Variants in UGT1A6 observed in about 807,000 individuals in gnomAD.
UGT1A6 encodes the protein UDP-glucuronosyltransferase 1A6.
A neutral mutation model predicts 44.4 loss-of-function variants in UGT1A6; 32 were observed. The ratio of observed to expected loss-of-function variants is 0.72; its 90% CI spans 0.54 to 0.97. The LOEUF (loss-of-function observed/expected upper bound fraction) is 0.97. Among genes scored for constraint, UGT1A6 ranks in the 50% least tolerant of loss-of-function variants. The pLI is 0.00. For missense variants in UGT1A6, 685 were observed against 661.9 expected, an observed-to-expected ratio of 1.03 and a Z score of -0.38; for synonymous variants, 238 against 248.5, an observed-to-expected ratio of 0.96 and a Z score of 0.40.
chr2:233,693,799 GC>G lies in UGT1A6; in HGVS notation c.797del (p.Pro266ArgfsTer99). The G allele has an allele frequency of 1.2e-6, 2 of 1,614,154 alleles. No homozygotes were observed. The highest frequency in any genetic ancestry group is 1.7e-6 in the Non-Finnish European group (2 of 1,180,032). The part of the protein sequence containing the change: ...RYDFVLEYPR[P>X]VMPNMVFIGG... ...ATGACTTTGTGCTTGAATATCCTAG[GC>G]CGGTCATGCCCAACATGGTCTTCAT... On this transcript the variant is annotated frameshift_variant, in exon 1 of 5. Transcript: ENST00000305139. LOFTEE classifies it high-confidence loss of function.
chr2:233,705,447 A>C (rs1211589055), intron 1 of UGT1A6, among the ~76,000 whole-genome samples: 1 of 152,206 alleles, frequency 6.6e-6, no homozygotes, highest in Admixed American at 6.5e-5. Context: ...TCAGAATTGC[A>C]CATATTTTTT....
chr2:233,722,201 C>A (rs2076999629), intron 1 of UGT1A6: 1 of 154,184 alleles, frequency 6.5e-6, no homozygotes, highest in African/African-American at 2.4e-5. Flanking sequence ...TTACTGAGTG[C>A]ATGAAAGATC....
rs41270755 is a variant in UGT1A6 at position 233,713,136 on chromosome 2, C to T, written c.861+19271C>T. On this transcript the variant is annotated intron_variant, in intron 1 of 4. Transcript: ENST00000305139. The stretch of plus-strand genomic sequence containing the variant: ...CTGGCTCAGCATGCGGGAGGCCTTG[C>T]GGGACCTCCATGCGAGAGGCCACCA... The T allele has an allele frequency of 1.3e-3, 2,088 of 1,614,170 alleles. 4 individuals are homozygous for T. The highest frequency in any genetic ancestry group is 1.7e-3 in the Non-Finnish European group (1,948 of 1,180,016).
At chr2:233,714,752 CACTT>C (rs1470277525) in intron 1 of UGT1A6, among the ~76,000 whole-genome samples, 11 of 152,208 alleles carry the variant, frequency 7.2e-5, no homozygotes, top group African/African-American at 2.7e-4. Context: ...ATATATTTGA[CACTT>C]ACAGTATATC....
intron 1 of UGT1A6, among the ~76,000 whole-genome samples, chr2:233,694,152 C>T (rs1559347022): frequency 6.6e-6 from 1 of 152,148 alleles, no homozygotes; most frequent in Non-Finnish European, 1.5e-5. Flanking sequence ...AGAAATGTCC[C>T]AGTTCAAACA....
chr2:233,768,681 C>T lies in UGT1A6; in HGVS notation c.1301+242C>T, dbSNP rs537750391. On this transcript the variant is annotated intron_variant, in intron 4 of 4. Coordinates refer to ENST00000305139, the MANE Select transcript of UGT1A6 (RefSeq NM_001072.4). Reference sequence around the variant, plus strand: ...GGCTTACTGCAACCTCCACCTCCCACGTTCAAGCAGTTCTGCCTCAGCCTC... The same window carrying T: ...GGCTTACTGCAACCTCCACCTCCCATGTTCAAGCAGTTCTGCCTCAGCCTC... 2.7e-5 allele frequency among the ~76,000 whole-genome samples: 4 copies of T among 148,006 alleles called. No individual in the cohort carries two copies. The East Asian group carries it at 6.1e-4, about 23-fold the overall frequency.
chr2:233,729,797 G>C (rs1376720200), intron 1 of UGT1A6: 2 of 1,613,908 alleles, frequency 1.2e-6, no homozygotes, highest in South Asian at 2.2e-5. Context: ...TCCTACATTT[G>C]CCATGCTTTT....
intron 1 of UGT1A6, among the ~76,000 whole-genome samples, chr2:233,704,504 T>C (rs1158641825): frequency 1.3e-5 from 2 of 152,204 alleles, no homozygotes; most frequent in African/African-American, 2.4e-5. Context: ...TTATACGTGG[T>C]ACATCTATAT....
chr2:233,705,074 TG>T (rs1342068757), intron 1 of UGT1A6, among the ~76,000 whole-genome samples: 1 of 151,140 alleles, frequency 6.6e-6, no homozygotes, highest in East Asian at 1.9e-4. Flanking sequence ...AGGCGGAGGT[TG>T]CAGAGAGCCA....
chr2:233,741,893 G>A (rs1575644502), intron 1 of UGT1A6: 1 of 151,848 alleles, frequency 6.6e-6, no homozygotes. Context: ...TAGAAGAAGG[G>A]ACCCTTTGTG....
intron 1 of UGT1A6, among the ~76,000 whole-genome samples, chr2:233,758,432 C>A (rs1404622059): frequency 6.6e-6 from 1 of 152,194 alleles, no homozygotes; most frequent in African/African-American, 2.4e-5. Flanking sequence ...TGAACTCACA[C>A]AGCATTGGGA....
chr2:233,720,890 T>C (rs2076904150), intron 1 of UGT1A6, among the ~76,000 whole-genome samples: 1 of 149,554 alleles, frequency 6.7e-6, no homozygotes, highest in South Asian at 2.1e-4. Context: ...TTTTTTTTTT[T>C]AGTAGAGATG....
At chr2:233,704,833 A>AGAG in intron 1 of UGT1A6, among the ~76,000 whole-genome samples, 1 of 152,130 alleles carries the variant, frequency 6.6e-6, no homozygotes, top group Non-Finnish European at 1.5e-5. Context: ...ATTGCTTTTA[A>AGAG]AATCAGTTAA....
chr2:233,759,397 G>A (rs1263018819), intron 1 of UGT1A6, among the ~76,000 whole-genome samples: 10 of 152,128 alleles, frequency 6.6e-5, no homozygotes, highest in East Asian at 5.8e-4. Context: ...CAGAGTAACC[G>A]TGTGACCTGT....
rs1431624196 is a variant in UGT1A6, at chr2:233,711,879, AG to A, written c.861+18016del. Among the ~76,000 whole-genome samples, 5 of 152,344 alleles carry A rather than the reference AG, an allele frequency of 3.3e-5. No homozygotes were observed. The South Asian group carries it at 8.3e-4, about 25-fold the overall frequency. On this transcript the variant is annotated intron_variant, in intron 1 of 4. Transcript: ENST00000305139. ...ACAAGTATGAGTGACTTTCTGGAGC[AG>A]GACGAGTCTCATGGGCGTGAGACCA...
intron 1 of UGT1A6, chr2:233,730,119 C>T (rs1050409403): frequency 6.4e-7 from 1 of 1,553,794 alleles, no homozygotes; most frequent in Non-Finnish European, 8.7e-7. Context: ...TTCTCCTTGT[C>T]ATAATAGCCT....
At chr2:233,699,073 C>T (rs1349522020) in intron 1 of UGT1A6, among the ~76,000 whole-genome samples, 1 of 152,198 alleles carries the variant, frequency 6.6e-6, no homozygotes, top group African/African-American at 2.4e-5. Context: ...CTGCCCAGGG[C>T]CTTCTCTCTA....
At chr2:233,703,805 ATCTCTG>A in intron 1 of UGT1A6, among the ~76,000 whole-genome samples, 1 of 137,048 alleles carries the variant, frequency 7.3e-6, no homozygotes, top group East Asian at 1.9e-4. Context: ...CAGTCTGATA[ATCTCTG>A]TCTTTTAATT....
chr2:233,744,767 T>G (rs1692915618), intron 1 of UGT1A6, among the ~76,000 whole-genome samples: 1 of 151,916 alleles, frequency 6.6e-6, no homozygotes, highest in Non-Finnish European at 1.5e-5. Flanking sequence ...GTTTTAACTT[T>G]GCAAAATTCT....
Sources: allele counts gnomAD v4.1 joint callset (sites outside exome capture counted in the v4.1 genomes callset), GRCh38; gene constraint gnomAD v4.1.1; transcripts MANE v1.5; gene names NCBI Gene and HGNC (gene_info 2026-07-23, HGNC 2026-07-21).